UBR4: variants seen among roughly 807,000 people sequenced by gnomAD.
UBR4 encodes E3 ubiquitin-protein ligase UBR4.
Under a neutral mutation model 575.6 loss-of-function variants are expected in UBR4, and 124 were observed. The observed-to-expected ratio is 0.22, with a 90% CI of 0.19 to 0.25. The LOEUF (loss-of-function observed/expected upper bound fraction) is 0.25. UBR4 is among the 10% of genes least tolerant of loss of function. UBR4 has a pLI of 1.00. For missense variants in UBR4, 4,818 were observed against 6,478.8 expected, an observed-to-expected ratio of 0.74 and a Z score of 8.80; for synonymous variants, 2,455 against 2,473.7, an observed-to-expected ratio of 0.99 and a Z score of 0.22.
intron 14 of UBR4, 96 bp downstream of exon 14, chr1:19,186,444 A>G: frequency 9.2e-7 from 1 of 1,087,390 alleles, no homozygotes; most frequent in Non-Finnish European, 1.3e-6. Context: ...CAAAATGGAA[A>G]CTTTTGTTTG....
Position 19,127,712 on chromosome 1 carries a change from C to T in UBR4, c.9139G>A (p.Ala3047Thr), listed in dbSNP as rs185763871. The T allele has an allele frequency of 4.9e-5, 79 of 1,614,114 alleles. No homozygotes were observed. The highest frequency in any genetic ancestry group is 1.8e-4 in the South Asian group (16 of 91,078). The change falls in exon 63 of 106, where the codon GCC (alanine) becomes ACC (threonine). Residue 3047 changes from alanine (A) to threonine (T), a missense_variant. Coordinates refer to ENST00000375254, the MANE Select transcript of UBR4 (RefSeq NM_020765.3). ...ACTACCAGATGGACTTCATTCAGGG[C>T]GCTGCGCTCATTCTTCTTGGAGACA... is the stretch of plus-strand genomic sequence containing the variant. ...KDVSKKNERS[A>T]LNEVHLVVMR...
rs762766296 is a variant in UBR4 at position 19,093,359 on chromosome 1, G to C, written c.14065C>G (p.Gln4689Glu). Residue 4689 changes from glutamine to glutamate, a missense_variant, in exon 96 of 106, where the codon CAG becomes GAG. Gln to Glu is a conservative substitution (Grantham distance 29). Coordinates refer to ENST00000375254, the MANE Select transcript of UBR4 (RefSeq NM_020765.3). The surrounding 1 kb of genome is among the most constrained non-coding windows in gnomAD (Gnocchi z 4.8). ...TTTTTCATGTAGTCAAGTGCATTCTGGGTGATCCCCTTCTGGAGAATCAGA... is the reference window on the plus strand; with the variant it reads ...TTTTTCATGTAGTCAAGTGCATTCTCGGTGATCCCCTTCTGGAGAATCAGA... ...KDLILQKGIT[Q>E]NALDYMKKHI... The C allele has an allele frequency of 1.2e-6, 2 of 1,614,062 alleles. No individual in the cohort carries two copies. The highest frequency in any genetic ancestry group is 2.7e-5 in the African/African-American group (2 of 74,946).
chr1:19,148,390 G>A (rs990821790), intron 50 of UBR4, among the ~76,000 whole-genome samples, 173 bp downstream of exon 50: 2 of 152,138 alleles, frequency 1.3e-5, no homozygotes, highest in African/African-American at 4.8e-5. Flanking sequence ...CTCACTATGG[G>A]CCCGAAAAGT....
At chr1:19,166,598 C>T (rs1267292024) in intron 29 of UBR4, among the ~76,000 whole-genome samples, 1 of 151,770 alleles carries the variant, frequency 6.6e-6, no homozygotes, top group Non-Finnish European at 1.5e-5. Flanking sequence ...AATAAGCTGG[C>T]CATGTGTGGT....
intron 90 of UBR4, among the ~76,000 whole-genome samples, chr1:19,098,331 C>T (rs192457375): frequency 1.7e-4 from 26 of 152,310 alleles, no homozygotes; most frequent in Middle Eastern, 3.4e-3. Context: ...AGAAGGGAAG[C>T]TGAAGTCCCA....
At chr1:19,115,287 C>A in intron 74 of UBR4, 111 bp downstream of exon 74, 2 of 1,458,758 alleles carry the variant, frequency 1.4e-6, no homozygotes, top group Non-Finnish European at 1.8e-6. Context: ...ACCCATAATT[C>A]TCTAAATGTT....
chr1:19,159,308 C>G (rs767656706), intron 39 of UBR4, among the ~76,000 whole-genome samples: 3 of 152,286 alleles, frequency 2.0e-5, no homozygotes, highest in Non-Finnish European at 4.4e-5. Context: ...TGCTGAGCAG[C>G]AGGTTTTAAA....
intron 49 of UBR4, chr1:19,149,626 G>T: frequency 2.7e-6 from 2 of 735,240 alleles, no homozygotes; most frequent in Non-Finnish European, 3.9e-6. Context: ...CAGCTCTGTA[G>T]CCATGCAATG....
intron 49 of UBR4, chr1:19,149,759 TA>T: frequency 7.7e-7 from 1 of 1,300,544 alleles, no homozygotes. Context: ...GAGGGCATAC[TA>T]ACCGGTCCAG....
In UBR4 at chr1:19,157,876, C is replaced by T; in HGVS notation, c.5699G>A (p.Cys1900Tyr). ...GCGCCCATGGGGAGAGGAGAGCACA[C>T]ACATAGCCACCCGCCTGAGCACATG... ...SAHVLRRVAM[C>Y]VLSSPHGRRQ... The change falls in exon 40 of 106, where the codon TGT becomes TAT. Residue 1900 changes from cysteine (C) to tyrosine (Y), a missense_variant. Cys to Tyr is a radical substitution (Grantham distance 194). Transcript: ENST00000375254. This position sits in a 1 kb window ranked among gnomAD's most constrained non-coding sequence, Gnocchi z 4.4. The T allele has an allele frequency of 6.2e-7, 1 of 1,614,226 alleles. No individual in the cohort carries two copies. Among genetic ancestry groups the T allele is most frequent in the Non-Finnish European group, 8.5e-7 (1 of 1,180,038 alleles).
intron 90 of UBR4, among the ~76,000 whole-genome samples, chr1:19,098,560 G>GT (rs2078289998): frequency 6.6e-6 from 1 of 152,246 alleles, no homozygotes; most frequent in African/African-American, 2.4e-5. Context: ...AATCTGTATT[G>GT]TTCTGTTTTG....
Position 19,173,684 on chromosome 1 carries a change from T to C in UBR4, c.2983-63A>G, listed in dbSNP as rs2089891012. The C allele has an allele frequency of 8.8e-6, 13 of 1,476,752 alleles. No individual in the cohort carries two copies. The South Asian group carries it at 1.4e-4, about 16-fold the overall frequency. The allele number at this position is 1,476,752 out of a possible 1,614,324, so 91.5% of individuals were successfully genotyped here. On this transcript the variant is annotated intron_variant, in intron 22 of 105. Transcript: ENST00000375254. ...TATGGCCTCAAGATCTCCCTCACAG[T>C]ACGAACTACTCCAAATACAACTTTT...
Position 19,100,652 on chromosome 1 carries a change from A to G in UBR4, c.13024-79T>C, listed in dbSNP as rs960409924. ...TACCATGCTACCTTGTTCCATGGAC[A>G]CTCGAGGAAAACACACCAAACTCAG... On this transcript the variant is annotated intron_variant, in intron 88 of 105. Transcript: ENST00000375254. This position sits in a 1 kb window ranked among gnomAD's most constrained non-coding sequence, Gnocchi z 4.2. The G allele has an allele frequency of 3.5e-6, 5 of 1,414,684 alleles. No homozygotes were observed. In the Admixed American group the frequency reaches 5.3e-5, roughly 15 times the overall value. 87.6% of individuals were successfully genotyped at this position (1,414,684 alleles called of 1,614,324 possible).
chr1:19,138,772 T>C (rs942708451), intron 59 of UBR4, among the ~76,000 whole-genome samples: 4 of 152,188 alleles, frequency 2.6e-5, no homozygotes, highest in Non-Finnish European at 5.9e-5. Context: ...CTTATAATTA[T>C]GCATATTATC....
In UBR4 at chr1:19,164,896, T is replaced by C. The variant is rs2088060423; in HGVS notation, c.4414A>G (p.Thr1472Ala). 6 of 1,614,002 alleles carry C rather than the reference T, an allele frequency of 3.7e-6. No homozygotes were observed. Among genetic ancestry groups the C allele is most frequent in the Non-Finnish European group, 5.1e-6 (6 of 1,180,028 alleles). Residue 1472 changes from threonine to alanine, a missense_variant, in exon 32 of 106, where the codon ACT becomes GCT. Thr to Ala is a moderately conservative substitution (Grantham distance 58). Coordinates refer to ENST00000375254, the MANE Select transcript of UBR4 (RefSeq NM_020765.3). ...TCAGAATCTTTTGGGGGCGATGTAG[T>C]CATGCGGGTGAGCCAGGCCTGCAGG... ...VRLQAWLTRM[T>A]TSPPKDSDQL...
At chr1:19,120,865 C>T (rs1327671708) in intron 68 of UBR4, among the ~76,000 whole-genome samples, 1 of 152,248 alleles carries the variant, frequency 6.6e-6, no homozygotes, top group African/African-American at 2.4e-5. Flanking sequence ...TACCAATGTA[C>T]TCAGTGTCAT....
At position 19,174,890 on chromosome 1, in the gene UBR4, T is replaced by C. The variant is rs188711501; in HGVS notation, c.2853+64A>G. ...AGTCAGTCATTCCCTTTCCCCCCAG[T>C]AGGCTGATTCTGGTGGAAACCATCT... is the stretch of plus-strand genomic sequence containing the variant. On this transcript the variant is annotated intron_variant, in intron 21 of 105. Coordinates refer to ENST00000375254, the MANE Select transcript of UBR4 (RefSeq NM_020765.3). 3.4e-6 allele frequency: 5 copies of C among 1,465,252 alleles called. No individual in the cohort carries two copies. The African/African-American group carries it at 7.0e-5, about 20-fold the overall frequency. 90.8% of individuals were successfully genotyped at this position (1,465,252 alleles called of 1,614,324 possible).
At chr1:19,119,855 A>G (rs2080981862) in intron 69 of UBR4, among the ~76,000 whole-genome samples, 154 bp from the exon 70 acceptor site, 1 of 152,194 alleles carries the variant, frequency 6.6e-6, no homozygotes, top group African/African-American at 2.4e-5. Flanking sequence ...TACCAGATGC[A>G]GCATAGTCAT....
At position 19,176,795 on chromosome 1, in the gene UBR4, G is replaced by T. The variant is rs190840296; in HGVS notation, c.2638-68C>A. The T allele has an allele frequency of 9.0e-6, 14 of 1,558,814 alleles. No individual in the cohort carries two copies. The East Asian group carries it at 2.9e-4, about 33-fold the overall frequency. ...ACCATTCAGCTTTTCACTCAGGCAT[G>T]ATAATAGCTCGGTACACTGAATCTT... is the stretch of plus-strand genomic sequence containing the variant. On this transcript the variant is annotated intron_variant, in intron 19 of 105. Coordinates refer to ENST00000375254, the MANE Select transcript of UBR4 (RefSeq NM_020765.3).
Sources: allele counts gnomAD v4.1 joint callset (sites outside exome capture counted in the v4.1 genomes callset), GRCh38; gene constraint gnomAD v4.1.1; non-coding constraint Gnocchi (gnomAD v3.1); transcripts MANE v1.5; gene names NCBI Gene and HGNC (gene_info 2026-07-23, HGNC 2026-07-21).